CPED1: variants seen among roughly 807,000 people sequenced by gnomAD.
CPED1 encodes cadherin-like and PC-esterase domain-containing protein 1.
CPED1 carries 114 observed loss-of-function variants against 128.2 expected under a neutral mutation model. The observed-to-expected ratio is 0.89, with a 90% CI of 0.76 to 1.04. The LOEUF (loss-of-function observed/expected upper bound fraction) is 1.04, where lower values mean the gene tolerates loss of function less well. CPED1 is among the 50% of genes least tolerant of loss of function. CPED1 has a pLI of 0.00. For synonymous variants in CPED1, 462 were observed against 426.7 expected (o/e 1.08, Z -1.02); for missense variants, 1,211 against 1,207.1 (o/e 1.00, Z -0.05).
At chr7:121,261,663 G>T in intron 18 of CPED1, 1 of 1,611,110 alleles carries the variant, frequency 6.2e-7, no homozygotes, top group Non-Finnish European at 8.5e-7. Flanking sequence ...GTTCCTAGAA[G>T]CCGTAATTGA....
chr7:120,993,440 C>G (rs929289125), intron 2 of CPED1, among the ~76,000 whole-genome samples: 1 of 152,198 alleles, frequency 6.6e-6, no homozygotes, highest in Middle Eastern at 3.2e-3. Flanking sequence ...CCCATGTCTT[C>G]TTGACCCTCC....
intron 18 of CPED1, among the ~76,000 whole-genome samples, chr7:121,260,837 C>A (rs1272639915): frequency 6.6e-6 from 1 of 152,016 alleles, no homozygotes; most frequent in Non-Finnish European, 1.5e-5. Context: ...GCTACCACTT[C>A]TGTAAATATT....
intron 16 of CPED1, among the ~76,000 whole-genome samples, chr7:121,152,643 C>A (rs1289594833): frequency 2.0e-5 from 3 of 152,128 alleles, no homozygotes; most frequent in Admixed American, 2.0e-4. Context: ...AGTCCAGTAT[C>A]CATGTTTGCA....
intron 5 of CPED1, among the ~76,000 whole-genome samples, chr7:121,073,807 A>ATT (rs34082656): frequency 0.047 from 6,323 of 134,170 alleles, 205 homozygotes; most frequent in African/African-American, 0.071. Flanking sequence ...ACCTCTTCCC[A>ATT]TTTTTTTTTT....
At chr7:121,261,879 A>C (rs1792026290) in intron 18 of CPED1, 2 of 673,528 alleles carry the variant, frequency 3.0e-6, no homozygotes, top group African/African-American at 3.7e-5. Context: ...GAAACTGGAA[A>C]TAAAAACAAA....
At chr7:121,281,816 T>C (rs1332777230) in intron 22 of CPED1, among the ~76,000 whole-genome samples, 2 of 152,162 alleles carry the variant, frequency 1.3e-5, no homozygotes, top group Admixed American at 6.6e-5. Context: ...AACATTGCTG[T>C]GAGAAAAACC....
intron 16 of CPED1, among the ~76,000 whole-genome samples, chr7:121,189,430 A>G (rs540594994): frequency 6.6e-6 from 1 of 152,096 alleles, no homozygotes; most frequent in South Asian, 2.1e-4. Flanking sequence ...GAAAGAGTGA[A>G]GGAGGAAGTG....
chr7:121,228,544 TAAACTAGTACTGCTACTATGGAC>T (rs1157455013), intron 16 of CPED1, among the ~76,000 whole-genome samples: 7 of 138,114 alleles, frequency 5.1e-5, no homozygotes, highest in African/African-American at 1.9e-4. Context: ...GGTGGGAATA[TAAACTAGTACTGCTACTATGGAC>T]AATGATATGG....
intron 18 of CPED1, among the ~76,000 whole-genome samples, chr7:121,256,309 G>A (rs570009584): frequency 5.3e-5 from 8 of 151,914 alleles, no homozygotes; most frequent in African/African-American, 1.9e-4. Flanking sequence ...CTTCAACAAG[G>A]CCAGTGAAAG....
intron 16 of CPED1, among the ~76,000 whole-genome samples, chr7:121,165,633 G>C (rs1796505402): frequency 6.6e-6 from 1 of 151,886 alleles, no homozygotes; most frequent in African/African-American, 2.4e-5. Context: ...CCAATATTTA[G>C]AGACCTCATC....
intron 5 of CPED1, among the ~76,000 whole-genome samples, chr7:121,088,788 A>AAAAAAAAAAAAAAAAAAAAT: frequency 7.1e-6 from 1 of 141,462 alleles, no homozygotes; most frequent in Non-Finnish European, 1.5e-5. Context: ...AAAAAAAAAA[A>AAAAAAAAAAAAAAAAAAAAT]AAAATTGAAA....
At chr7:121,212,658 A>G (rs999965728) in intron 16 of CPED1, among the ~76,000 whole-genome samples, 7 of 150,932 alleles carry the variant, frequency 4.6e-5, no homozygotes, top group Non-Finnish European at 8.8e-5. Context: ...GCAGGCTCAC[A>G]TAGATGTTAA....
intron 4 of CPED1, among the ~76,000 whole-genome samples, chr7:121,047,927 C>T (rs1585038829): frequency 1.3e-5 from 2 of 152,032 alleles, no homozygotes; most frequent in Non-Finnish European, 2.9e-5. Flanking sequence ...AGGATGGTCT[C>T]GATTTCCTGA....
chr7:121,118,190 A>G (rs1380260454), intron 7 of CPED1, among the ~76,000 whole-genome samples: 1 of 152,142 alleles, frequency 6.6e-6, no homozygotes, highest in Non-Finnish European at 1.5e-5. Context: ...CTTATATTTA[A>G]AATATTAATA....
chr7:121,135,216 T>G (rs1307447354), intron 13 of CPED1, among the ~76,000 whole-genome samples: 1 of 152,034 alleles, frequency 6.6e-6, no homozygotes, highest in African/African-American at 2.4e-5. Context: ...GAGCTTTTTG[T>G]TACAAGAAAA....
chr7:120,990,246 C>T (rs12673175), intron 2 of CPED1, among the ~76,000 whole-genome samples: 1 of 152,038 alleles, frequency 6.6e-6, no homozygotes, highest in Non-Finnish European at 1.5e-5. Flanking sequence ...TTGAGTGTCT[C>T]TTTTCTCAAG....
At chr7:121,294,933 AC>A (rs1792792271) in intron 22 of CPED1, among the ~76,000 whole-genome samples, 1 of 152,172 alleles carries the variant, frequency 6.6e-6, no homozygotes, top group African/African-American at 2.4e-5. Context: ...GAGCAACAAA[AC>A]CACTAAAAGT....
intron 7 of CPED1, among the ~76,000 whole-genome samples, chr7:121,110,888 T>G (rs1367934020): frequency 6.6e-6 from 1 of 152,102 alleles, no homozygotes; most frequent in Non-Finnish European, 1.5e-5. Context: ...GGTGGCTTGA[T>G]CTAGGTTGGT....
At chr7:121,135,799 A>G (rs1795771699) in intron 13 of CPED1, among the ~76,000 whole-genome samples, 1 of 152,038 alleles carries the variant, frequency 6.6e-6, no homozygotes, top group Non-Finnish European at 1.5e-5. Context: ...CAGGCAATAA[A>G]TGGCATTTAG....
Sources: allele counts gnomAD v4.1 joint callset (sites outside exome capture counted in the v4.1 genomes callset), GRCh38; gene constraint gnomAD v4.1.1; transcripts MANE v1.5; gene names NCBI Gene and HGNC (gene_info 2026-07-23, HGNC 2026-07-21).